The following BTG4 variants were observed in gnomAD, a reference collection of about 807,000 sequenced individuals.
The protein encoded by BTG4 is BTG anti-proliferation factor 4, also known as protein BTG4.
In BTG4, 10 loss-of-function variants were observed where a neutral mutation model predicts 19.3. The observed-to-expected ratio is 0.52, with a 90% CI of 0.32 to 0.88. The LOEUF (loss-of-function observed/expected upper bound fraction) is 0.88. Ranked by LOEUF, BTG4 falls within the 40% of genes least tolerant of loss-of-function variation. The pLI, the probability that BTG4 is intolerant of heterozygous loss-of-function variation, is 0.04. For synonymous variants in BTG4, 91 were observed against 95.7 expected (o/e 0.95, Z 0.29); for missense variants, 238 against 281.9 (o/e 0.84, Z 1.11).
the BTG4 span, among the ~76,000 whole-genome samples, chr11:111,423,272 A>T: frequency 6.6e-6 from 1 of 152,206 alleles, no homozygotes; most frequent in Non-Finnish European, 1.5e-5. Flanking sequence ...TAGAAATTAG[A>T]TTCTGGGAAC....
chr11:111,447,474 T>C, the BTG4 span, among the ~76,000 whole-genome samples: 1 of 152,202 alleles, frequency 6.6e-6, no homozygotes, highest in African/African-American at 2.4e-5. Flanking sequence ...CCTGCAGCAT[T>C]TCACACACGG....
At chr11:111,442,012 T>G in the BTG4 span, among the ~76,000 whole-genome samples, 2 of 151,724 alleles carry the variant, frequency 1.3e-5, no homozygotes, top group African/African-American at 2.4e-5. Context: ...TGAGCCGAGA[T>G]CGCACCAGTG....
At chr11:111,468,401 A>G (rs1335569049) in intron 5 of BTG4, among the ~76,000 whole-genome samples, 1 of 152,220 alleles carries the variant, frequency 6.6e-6, no homozygotes, top group Non-Finnish European at 1.5e-5. Context: ...TCTTTGTTTT[A>G]GAAATTAGGA....
downstream of BTG4, among the ~76,000 whole-genome samples, chr11:111,490,170 G>T (rs1021291910): frequency 7.9e-5 from 12 of 151,758 alleles, no homozygotes; most frequent in African/African-American, 2.9e-4. Context: ...CTACTCGGGA[G>T]GCTGAGGCAG....
chr11:111,475,158 T>C (rs1375726516), intron 5 of BTG4: 1 of 152,600 alleles, frequency 6.6e-6, no homozygotes, highest in Non-Finnish European at 1.5e-5. Flanking sequence ...CTTAAATACA[T>C]CACTACAACA....
At chr11:111,438,541 T>A in the BTG4 span, among the ~76,000 whole-genome samples, 1 of 152,236 alleles carries the variant, frequency 6.6e-6, no homozygotes, top group Non-Finnish European at 1.5e-5. Context: ...GGTATTTTAG[T>A]TATCTGGGTA....
chr11:111,500,279 A>G (rs2135696826), intron 1 of BTG4, among the ~76,000 whole-genome samples: 1 of 152,364 alleles, frequency 6.6e-6, no homozygotes, highest in South Asian at 2.1e-4. Context: ...ATACCCATTA[A>G]GCGTTAAGAA....
At chr11:111,415,024 A>G in the BTG4 span, 1 of 152,354 alleles carries the variant, frequency 6.6e-6, no homozygotes, top group Admixed American at 6.5e-5. Context: ...AACAGTTAAA[A>G]AGAATAAATG....
At chr11:111,487,964 A>C (rs1303634677) in intron 5 of BTG4, among the ~76,000 whole-genome samples, 5 of 152,178 alleles carry the variant, frequency 3.3e-5, no homozygotes, top group Non-Finnish European at 7.3e-5. Flanking sequence ...AAGAGCACAC[A>C]AAAAATGGAG....
the BTG4 span, among the ~76,000 whole-genome samples, chr11:111,426,753 A>G: frequency 2.0e-5 from 3 of 151,786 alleles, no homozygotes; most frequent in Non-Finnish European, 4.4e-5. Flanking sequence ...TCCCCTTACC[A>G]CGCCCCTGTA....
chr11:111,412,179 G>A, the BTG4 span, among the ~76,000 whole-genome samples: 1 of 152,184 alleles, frequency 6.6e-6, no homozygotes, highest in East Asian at 1.9e-4. Context: ...CAAAAGAATT[G>A]TTTCAATCAA....
chr11:111,451,354 T>G, the BTG4 span: 1 of 449,154 alleles, frequency 2.2e-6, no homozygotes, highest in Non-Finnish European at 4.5e-6. Context: ...CTGCAGCAGT[T>G]CCAAAAGCCG....
At chr11:111,467,304 G>A (rs1256080691), downstream of BTG4, among the ~76,000 whole-genome samples, 3 of 152,134 alleles carry the variant, frequency 2.0e-5, no homozygotes, top group Non-Finnish European at 4.4e-5. Flanking sequence ...TAGGCATCAT[G>A]GCTCAAATCT....
the BTG4 span, among the ~76,000 whole-genome samples, chr11:111,394,436 G>A: frequency 6.6e-6 from 1 of 152,172 alleles, no homozygotes; most frequent in Admixed American, 6.5e-5. Flanking sequence ...GTTTTATAAG[G>A]GGAAACCCCT....
At chr11:111,467,296 G>C (rs1199371229), downstream of BTG4, among the ~76,000 whole-genome samples, 3 of 152,134 alleles carry the variant, frequency 2.0e-5, no homozygotes, top group African/African-American at 7.2e-5. Context: ...TTAAAATCTA[G>C]GCATCATGGC....
chr11:111,420,356 T>C, the BTG4 span, among the ~76,000 whole-genome samples: 1 of 152,112 alleles, frequency 6.6e-6, no homozygotes, highest in Non-Finnish European at 1.5e-5. Context: ...ACTGAGGAGA[T>C]CATAGCCAAC....
chr11:111,404,497 A>G, the BTG4 span: 1 of 440,320 alleles, frequency 2.3e-6, no homozygotes, highest in Non-Finnish European at 4.6e-6. Context: ...AGAGAGGTGA[A>G]GCACACCATG....
the BTG4 span, among the ~76,000 whole-genome samples, chr11:111,442,643 C>A: frequency 1 from 151,880 of 151,880 alleles, 75,940 homozygotes; most frequent in Non-Finnish European, 1. Context: ...GAGGTATGTC[C>A]AAAGGACCCC....
chr11:111,422,739 C>T, the BTG4 span, among the ~76,000 whole-genome samples: 2 of 152,152 alleles, frequency 1.3e-5, no homozygotes, highest in Admixed American at 1.3e-4. Context: ...AGGTCCCTCC[C>T]CTGCTCAATA....
Sources: allele counts gnomAD v4.1 joint callset (sites outside exome capture counted in the v4.1 genomes callset), GRCh38; gene constraint gnomAD v4.1.1; transcripts MANE v1.5; gene names NCBI Gene and HGNC (gene_info 2026-07-23, HGNC 2026-07-21).